The following CCSER2 variants were observed in gnomAD, a reference collection of about 807,000 sequenced individuals.
CCSER2 encodes coiled-coil serine rich protein 2.
A neutral mutation model predicts 92.3 loss-of-function variants in CCSER2; 46 were observed. That is an observed-to-expected ratio of 0.50 (90% CI 0.39 to 0.64). CCSER2 has a LOEUF of 0.64. Among genes scored for constraint, CCSER2 ranks in the 30% least tolerant of loss-of-function variants. CCSER2 has a pLI of 0.00. For synonymous variants in CCSER2, 433 were observed against 431.4 expected, an observed-to-expected ratio of 1.00 and a Z score of -0.04; for missense variants, 1,244 against 1,238.9, an observed-to-expected ratio of 1.00 and a Z score of -0.06.
chr10:84,338,649 G>C (rs1005852761), intron 1 of CCSER2, among the ~76,000 whole-genome samples: 1 of 152,110 alleles, frequency 6.6e-6, no homozygotes, highest in Non-Finnish European at 1.5e-5. Context: ...CAACCTATTT[G>C]TTATGGTAGT....
intron 1 of CCSER2, among the ~76,000 whole-genome samples, chr10:84,340,286 T>TA (rs1315054244): frequency 6.6e-6 from 1 of 152,232 alleles, no homozygotes; most frequent in Admixed American, 6.5e-5. Context: ...GTTTTTTTGT[T>TA]ATAGTATTTG....
chr10:84,395,596 G>C (rs747905057), intron 3 of CCSER2, among the ~76,000 whole-genome samples: 31 of 152,162 alleles, frequency 2.0e-4, no homozygotes, highest in Non-Finnish European at 4.4e-5. Context: ...CTGGTCCTGG[G>C]AGTCAGGCAA....
intron 7 of CCSER2, among the ~76,000 whole-genome samples, chr10:84,465,486 G>A (rs554333455): frequency 9.4e-4 from 143 of 151,356 alleles, no homozygotes; most frequent in African/African-American, 3.3e-3. Context: ...CACCATGCTC[G>A]GCTAATTTTT....
At chr10:84,428,985 G>GTGTATATA (rs367824329) in intron 5 of CCSER2, among the ~76,000 whole-genome samples, 9 of 140,846 alleles carry the variant, frequency 6.4e-5, no homozygotes, top group East Asian at 4.0e-4. Flanking sequence ...GTGTGTATGT[G>GTGTATATA]TATATATATA....
rs911525635 is a variant in CCSER2 at position 84,502,516 on chromosome 10, C to T, written c.2326-10933C>T. ...CCTCCCAAGTAGCTGGGACTACAGG[C>T]GCCTGCCACTACGCCCATCTAATTT... is the stretch of plus-strand genomic sequence containing the variant. On this transcript the variant is annotated intron_variant, in intron 9 of 9. Transcript: ENST00000372088. Among the ~76,000 whole-genome samples, 10 of 151,942 alleles carry T rather than the reference C, an allele frequency of 6.6e-5. 1 individual carries two copies. Among genetic ancestry groups the T allele is most frequent in the Non-Finnish European group, 1.2e-4 (8 of 67,958 alleles).
At chr10:84,355,162 C>CT (rs61293790) in intron 1 of CCSER2, among the ~76,000 whole-genome samples, 6 of 150,746 alleles carry the variant, frequency 4.0e-5, no homozygotes, top group Non-Finnish European at 8.9e-5. Flanking sequence ...CAGGTCAGAT[C>CT]TTTTTTTTTA....
chr10:84,394,197 T>G (rs1841689615), intron 3 of CCSER2, among the ~76,000 whole-genome samples: 1 of 152,222 alleles, frequency 6.6e-6, no homozygotes, highest in South Asian at 2.1e-4. Context: ...AGTTCAATAA[T>G]TCTTGAGCTT....
rs540560977 is a variant in CCSER2 at position 84,337,962 on chromosome 10, T to C, written c.-40+9154T>C. ...GTTACCCGTGGACACATTTAACTTT[T>C]TATCTGTAGCTATCAGCTTAGAAAC... On this transcript the variant is annotated intron_variant, in intron 1 of 9. Transcript: ENST00000372088. Among the ~76,000 whole-genome samples, 3 of 152,314 alleles carry C rather than the reference T, an allele frequency of 2.0e-5. No individual in the cohort carries two copies. In the East Asian group the frequency reaches 5.8e-4, roughly 29 times the overall value.
rs574421486 is a variant in CCSER2 at position 84,379,364 on chromosome 10, A to G, written c.1614+5549A>G. 3.3e-5 allele frequency among the ~76,000 whole-genome samples: 5 copies of G among 151,422 alleles called. 1 individual carries two copies. The South Asian group carries it at 8.4e-4, about 25-fold the overall frequency. Reference sequence around the variant, plus strand: ...CAAGAACCAAATTTGGGCTTTGCTGATTTTTCTATATTGTGCTTATTTTCT... The same window carrying G: ...CAAGAACCAAATTTGGGCTTTGCTGGTTTTTCTATATTGTGCTTATTTTCT... On this transcript the variant is annotated intron_variant, in intron 3 of 9. Coordinates refer to ENST00000372088, the MANE Select transcript of CCSER2 (RefSeq NM_001284240.2).
At chr10:84,376,987 G>A (rs925748533) in intron 3 of CCSER2, among the ~76,000 whole-genome samples, 1 of 152,044 alleles carries the variant, frequency 6.6e-6, no homozygotes, top group Non-Finnish European at 1.5e-5. Context: ...ATCCTCTTCT[G>A]TGAAGTGTCT....
intron 1 of CCSER2, among the ~76,000 whole-genome samples, chr10:84,355,053 A>T (rs1402920970): frequency 6.6e-6 from 1 of 151,994 alleles, no homozygotes; most frequent in Non-Finnish European, 1.5e-5. Context: ...TTTTGCTACA[A>T]TCTTTGTTGT....
At chr10:84,391,113 G>A in intron 3 of CCSER2, 1 of 782,238 alleles carries the variant, frequency 1.3e-6, no homozygotes, top group Non-Finnish European at 2.4e-6. Context: ...AATGGAACAT[G>A]TTAAATGGTG....
At chr10:84,511,826 G>A (rs1849361565) in intron 9 of CCSER2, among the ~76,000 whole-genome samples, 2 of 152,118 alleles carry the variant, frequency 1.3e-5, no homozygotes, top group Admixed American at 6.5e-5. Context: ...GGTGATTTTA[G>A]TATCTTCCGT....
chr10:84,469,604 AT>A (rs1305518552), intron 7 of CCSER2, among the ~76,000 whole-genome samples: 1 of 152,110 alleles, frequency 6.6e-6, no homozygotes, highest in East Asian at 1.9e-4. Context: ...CTATATTTGA[AT>A]TTCCTTGCTT....
At chr10:84,505,163 T>A (rs942669738) in intron 9 of CCSER2, among the ~76,000 whole-genome samples, 3 of 152,174 alleles carry the variant, frequency 2.0e-5, no homozygotes, top group Non-Finnish European at 4.4e-5. Context: ...ATGGTAAATA[T>A]TTCTTGAAAT....
At chr10:84,449,580 C>T (rs1000488535) in intron 6 of CCSER2, among the ~76,000 whole-genome samples, 2 of 152,084 alleles carry the variant, frequency 1.3e-5, no homozygotes, top group Middle Eastern at 3.2e-3. Flanking sequence ...GGGCTGGGGG[C>T]GGTGGCTCAT....
chr10:84,438,661 C>T lies in CCSER2; in HGVS notation c.2018C>T (p.Thr673Ile). 1 of 1,612,634 alleles carries T rather than the reference C, an allele frequency of 6.2e-7. No individual in the cohort carries two copies. The highest frequency in any genetic ancestry group is 8.5e-7 in the Non-Finnish European group (1 of 1,179,346). ...CTTCGGCACATGGTTCAGGATTGCACTGCTGTAAAAACTCAGTTACTCAAA... is the reference window on the plus strand; with the variant it reads ...CTTCGGCACATGGTTCAGGATTGCATTGCTGTAAAAACTCAGTTACTCAAA... ...MTLRHMVQDC[T>I]AVKTQLLKLK... is the part of the protein sequence containing the mutation. Residue 673 changes from threonine (T) to isoleucine (I), a missense_variant, in exon 6 of 10, where the codon ACT (threonine) becomes ATT (isoleucine). By Grantham distance (89) the Thr-to-Ile change is moderately conservative (BLOSUM62 -1). Coordinates refer to ENST00000372088, the MANE Select transcript of CCSER2 (RefSeq NM_001284240.2).
intron 5 of CCSER2, among the ~76,000 whole-genome samples, chr10:84,429,014 T>TATAC (rs1400134320): frequency 2.9e-4 from 40 of 139,380 alleles, no homozygotes; most frequent in South Asian, 1.4e-3. Flanking sequence ...TATATATATA[T>TATAC]ACACACTTAA....
chr10:84,467,956 T>C (rs1472829820), intron 7 of CCSER2, among the ~76,000 whole-genome samples: 1 of 152,202 alleles, frequency 6.6e-6, no homozygotes, highest in Non-Finnish European at 1.5e-5. Context: ...CTCAGTTTTC[T>C]TGCTGTTGTT....
Sources: allele counts gnomAD v4.1 joint callset (sites outside exome capture counted in the v4.1 genomes callset), GRCh38; gene constraint gnomAD v4.1.1; transcripts MANE v1.5; gene names NCBI Gene and HGNC (gene_info 2026-07-23, HGNC 2026-07-21).